LYSMD2: variants seen among roughly 807,000 people sequenced by gnomAD.
LYSMD2 encodes lysM and putative peptidoglycan-binding domain-containing protein 2.
Under a neutral mutation model 17.7 loss-of-function variants are expected in LYSMD2, and 6 were observed. The observed-to-expected ratio is 0.34, with a 90% CI of 0.19 to 0.67. The LOEUF is 0.67. Ranked by LOEUF, LYSMD2 falls within the 30% of genes least tolerant of loss-of-function variation. LYSMD2 has a pLI of 0.69. For missense variants in LYSMD2, 237 were observed against 286.7 expected (o/e 0.83, Z 1.25); for synonymous variants, 102 against 129.8 (o/e 0.79, Z 1.45).
intron 1 of LYSMD2, among the ~76,000 whole-genome samples, chr15:51,745,575 A>G (rs2055663600): frequency 1.3e-5 from 2 of 152,190 alleles, no homozygotes; most frequent in Non-Finnish European, 2.9e-5. Flanking sequence ...CATTCAACAA[A>G]GTGGGAATAA....
chr15:51,731,520 A>G (rs1176071055), intron 1 of LYSMD2, among the ~76,000 whole-genome samples: 1 of 152,236 alleles, frequency 6.6e-6, no homozygotes, highest in African/African-American at 2.4e-5. Flanking sequence ...TTAAGCAACA[A>G]CTTGGCTTAG....
intron 1 of LYSMD2, among the ~76,000 whole-genome samples, chr15:51,744,497 A>T (rs1391910664): frequency 6.6e-6 from 1 of 152,126 alleles, no homozygotes; most frequent in African/African-American, 2.4e-5. Flanking sequence ...AATTAATCCT[A>T]CTTGGTTGTG....
At chr15:51,727,067 A>AGGAT (rs200917914) in intron 1 of LYSMD2, among the ~76,000 whole-genome samples, 1,535 of 152,272 alleles carry the variant, frequency 0.01, 17 homozygotes, top group African/African-American at 0.022. Flanking sequence ...GGTGGATGGA[A>AGGAT]GGATGGATGG....
rs529261881 is a variant in LYSMD2, at chr15:51,733,445, T to C, written c.273+3905A>G. Among the ~76,000 whole-genome samples the C allele has an allele frequency of 6.6e-5, 10 of 151,560 alleles. No individual in the cohort carries two copies. In the South Asian group the frequency reaches 2.1e-3, roughly 32 times the overall value. ...GTAGCTCTGAGGGAAAGAAAAAAAA[T>C]TGGATGAATGATAAATACTGTTAGG... On this transcript the variant is annotated intron_variant, in intron 1 of 2. Coordinates refer to ENST00000267838, the MANE Select transcript of LYSMD2 (RefSeq NM_153374.3).
intron 1 of LYSMD2, among the ~76,000 whole-genome samples, chr15:51,747,311 G>T (rs1316524564): frequency 6.6e-6 from 1 of 151,748 alleles, no homozygotes; most frequent in Non-Finnish European, 1.5e-5. Flanking sequence ...GACCAACATG[G>T]AGAAACCCCA....
At chr15:51,725,697 A>G (rs539625188) in intron 1 of LYSMD2, among the ~76,000 whole-genome samples, 31 of 152,242 alleles carry the variant, frequency 2.0e-4, no homozygotes, top group Middle Eastern at 6.8e-3. Flanking sequence ...AAATATATAT[A>G]TATGAGAGAA....
Position 51,723,614 on chromosome 15 carries a change from T to C in LYSMD2, c.641A>G (p.His214Arg). The C allele has an allele frequency of 1.9e-6, 3 of 1,607,460 alleles. No homozygotes were observed. Among genetic ancestry groups the C allele is most frequent in the Non-Finnish European group, 2.6e-6 (3 of 1,175,830 alleles). ...GTTATGCCCCCAAATCACCTAACTG[T>C]GATAGAGGGAAGTTGCATAGGGACT... ...EESPYATSLY[H>R]S Residue 214 changes from histidine (H) to arginine (R), a missense_variant, in exon 3 of 3, where the codon CAC (histidine) becomes CGC (arginine). His to Arg is a conservative substitution (Grantham distance 29). Coordinates refer to ENST00000267838, the MANE Select transcript of LYSMD2 (RefSeq NM_153374.3).
intron 1 of LYSMD2, among the ~76,000 whole-genome samples, chr15:51,746,705 A>G (rs540339758): frequency 6.6e-6 from 1 of 152,134 alleles, no homozygotes; most frequent in Non-Finnish European, 1.5e-5. Context: ...TTATCAACTC[A>G]TGGCCAATCA....
In LYSMD2 at chr15:51,728,396, AACACACACACAC is replaced by A. The variant is rs61106396; in HGVS notation, c.274-3287_274-3276del. ...ATCACAACATTGTACTCCAGGAGAA[AACACACACACAC>A]ACACACACACACACACACACACACA... On this transcript the variant is annotated intron_variant, in intron 1 of 2. Transcript: ENST00000267838. Among the ~76,000 whole-genome samples the A allele has an allele frequency of 8.2e-3, 1,187 of 144,924 alleles. 16 individuals carry two copies. Among genetic ancestry groups the A allele is most frequent in the African/African-American group, 0.029 (1,129 of 39,164 alleles).
intron 1 of LYSMD2, among the ~76,000 whole-genome samples, chr15:51,734,831 C>A (rs958666273): frequency 6.6e-6 from 1 of 152,130 alleles, no homozygotes; most frequent in Admixed American, 6.5e-5. Context: ...TATTTTTCTG[C>A]CTTTTTAGCT....
chr15:51,732,501 A>G (rs2055582923), intron 1 of LYSMD2, among the ~76,000 whole-genome samples: 1 of 152,214 alleles, frequency 6.6e-6, no homozygotes, highest in Non-Finnish European at 1.5e-5. Context: ...CAAACCAACC[A>G]GACTCAATAG....
intron 1 of LYSMD2, among the ~76,000 whole-genome samples, 157 bp from the exon 2 acceptor site, chr15:51,725,278 T>C (rs1022940245): frequency 1.3e-5 from 2 of 152,238 alleles, no homozygotes; most frequent in Non-Finnish European, 2.9e-5. Flanking sequence ...CCTCCCCAGA[T>C]ATCTCTAGTT....
intron 1 of LYSMD2, among the ~76,000 whole-genome samples, chr15:51,736,992 G>C (rs768352169): frequency 3.3e-5 from 5 of 152,154 alleles, no homozygotes; most frequent in Non-Finnish European, 5.9e-5. Flanking sequence ...CTGCAAATTG[G>C]GTGAAGGTGG....
intron 1 of LYSMD2, among the ~76,000 whole-genome samples, chr15:51,748,261 C>CAAAAAAAAAAAAAAAAAAAA (rs10556304): frequency 1.0e-4 from 6 of 60,228 alleles, no homozygotes; most frequent in Non-Finnish European, 1.6e-4. Flanking sequence ...GACTCCGTCT[C>CAAAAAAAAAAAAAAAAAAAA]AAAAAAAAAA....
At chr15:51,740,405 T>G (rs2055637083), upstream of LYSMD2, among the ~76,000 whole-genome samples, 1 of 152,244 alleles carries the variant, frequency 6.6e-6, no homozygotes, top group East Asian at 1.9e-4. Context: ...TCATCACAAT[T>G]AAAGATGAAA....
chr15:51,734,949 T>G (rs977661288), intron 1 of LYSMD2, among the ~76,000 whole-genome samples: 1 of 151,942 alleles, frequency 6.6e-6, no homozygotes, highest in African/African-American at 2.4e-5. Context: ...CTGAGGTGGG[T>G]GGATTGCTTG....
In LYSMD2 at chr15:51,723,549, G is replaced by T; in HGVS notation, c.*58C>A. 1.5e-6 allele frequency: 2 copies of T among 1,357,092 alleles called. No homozygotes were observed. The highest frequency in any genetic ancestry group is 1.2e-5 in the South Asian group (1 of 85,650). The allele number at this position is 1,357,092 out of a possible 1,614,324, so 84.1% of individuals were successfully genotyped here. A position where few individuals can be genotyped will look rare whatever the true frequency, so the allele number is the denominator to read the frequency against. ...GGATGTTTTTGAATCTTCAGTTGTT[G>T]GATTCTTTATGGTCCAAACATATCT... On this transcript the variant is annotated 3_prime_UTR_variant, in exon 3 of 3. Coordinates refer to ENST00000267838, the MANE Select transcript of LYSMD2 (RefSeq NM_153374.3).
chr15:51,750,558 C>T (rs559492338), intron 1 of LYSMD2, among the ~76,000 whole-genome samples: 4 of 152,190 alleles, frequency 2.6e-5, no homozygotes, highest in African/African-American at 9.7e-5. Context: ...ACTCAACGAA[C>T]CTTAGACTGC....
At position 51,737,278 on chromosome 15, in the gene LYSMD2, A is replaced by G; in HGVS notation, c.273+72T>C. 1 of 135,072 alleles carries G rather than the reference A, an allele frequency of 7.4e-6. No individual in the cohort carries two copies. The highest frequency in any genetic ancestry group is 9.3e-6 in the Non-Finnish European group (1 of 107,510). 8.4% of individuals were successfully genotyped at this position (135,072 alleles called of 1,614,324 possible). On this transcript the variant is annotated intron_variant, in intron 1 of 2. Coordinates refer to ENST00000267838, the MANE Select transcript of LYSMD2 (RefSeq NM_153374.3). This position sits in a 1 kb window ranked among gnomAD's most constrained non-coding sequence, Gnocchi z 4.2. ...CACCCGCAGTCCCACCCCCACCCCC[A>G]CCGCACCCCGAGCCGCACCGCCTCC...
Sources: gnomAD v4.1 joint callset for allele counts (sites outside exome capture counted in the v4.1 genomes callset) on GRCh38, gnomAD v4.1.1 for gene constraint, Gnocchi (gnomAD v3.1) non-coding constraint, MANE v1.5 for transcripts, NCBI Gene and HGNC (gene_info 2026-07-23, HGNC 2026-07-21) for gene names.